GRTP1: variants seen among roughly 807,000 people sequenced by gnomAD.
GRTP1 encodes the protein growth hormone regulated TBC protein 1.
In GRTP1, 56 loss-of-function variants were observed where a neutral mutation model predicts 38.1. The observed-to-expected ratio is 1.47, with a 90% CI of 1.19 to 1.84. The LOEUF is 1.84. GRTP1 is among the 40% of genes most tolerant of loss of function. GRTP1 has a pLI of 0.00. For missense variants in GRTP1, 506 were observed against 453.9 expected (o/e 1.11, Z -1.04); for synonymous variants, 217 against 189.5 (o/e 1.14, Z -1.19).
intron 2 of GRTP1, among the ~76,000 whole-genome samples, chr13:113,356,830 T>A (rs1054091764): frequency 6.6e-6 from 1 of 152,210 alleles, no homozygotes; most frequent in Non-Finnish European, 1.5e-5. Flanking sequence ...ATGTGCTATG[T>A]GATTACTGAG....
At chr13:113,352,236 A>ATATATAT (rs1555318912) in intron 3 of GRTP1, among the ~76,000 whole-genome samples, 1 of 95,870 alleles carries the variant, frequency 1.0e-5, no homozygotes, top group Non-Finnish European at 2.0e-5. Context: ...CTATATTTAT[A>ATATATAT]TATATATTTA....
Position 113,325,674 on chromosome 13 carries a change from TGACACTCCATCAC to T in GRTP1, c.895_907del (p.Val299ThrfsTer47). ...AGCCCCACACACCTGCATAAACGTGTGACACTCCATCACGAAACTCCCTTTGGTTATCTGCTTA... is the reference window on the plus strand; with the variant it reads ...AGCCCCACACACCTGCATAAACGTGTGAAACTCCCTTTGGTTATCTGCTTA... On this transcript the variant is annotated frameshift_variant, in exon 7 of 8. Transcript: ENST00000375431. LOFTEE classifies it high-confidence loss of function. The T allele has an allele frequency of 6.2e-7, 1 of 1,614,138 alleles. No homozygotes were observed. The highest frequency in any genetic ancestry group is 8.5e-7 in the Non-Finnish European group (1 of 1,180,012).
intron 5 of GRTP1, among the ~76,000 whole-genome samples, chr13:113,326,957 TAC>T (rs1166424786): frequency 1.3e-5 from 2 of 152,166 alleles, no homozygotes; most frequent in Admixed American, 1.3e-4. Flanking sequence ...CGGCAATGGT[TAC>T]ACAGAGAGGT....
At chr13:113,359,887 C>T (rs777005826) in intron 2 of GRTP1, 1 of 152,224 alleles carries the variant, frequency 6.6e-6, no homozygotes, top group African/African-American at 2.4e-5. Context: ...TCCTCACAGA[C>T]TGACACTTTC....
intron 5 of GRTP1, among the ~76,000 whole-genome samples, chr13:113,335,102 A>T (rs1422605776): frequency 2.9e-4 from 2 of 6,934 alleles, no homozygotes; most frequent in Non-Finnish European, 0.017. Flanking sequence ...GATTACAGGC[A>T]TGAGCACCAT....
intron 5 of GRTP1, among the ~76,000 whole-genome samples, chr13:113,333,248 C>G (rs2042902336): frequency 6.6e-6 from 1 of 152,170 alleles, no homozygotes; most frequent in Non-Finnish European, 1.5e-5. Flanking sequence ...CGAAGGGGCC[C>G]AAGGGTTCCT....
intron 5 of GRTP1, among the ~76,000 whole-genome samples, chr13:113,326,441 G>A (rs1286700461): frequency 2.7e-5 from 4 of 148,786 alleles, no homozygotes; most frequent in Admixed American, 2.0e-4. Context: ...AGGCCGAGGC[G>A]GGTGGATCAC....
At chr13:113,354,510 A>G (rs1438860569) in intron 3 of GRTP1, among the ~76,000 whole-genome samples, 1 of 151,694 alleles carries the variant, frequency 6.6e-6, no homozygotes, top group Non-Finnish European at 1.5e-5. Context: ...CTAAAAATCT[A>G]TTCAATTTAG....
intron 5 of GRTP1, among the ~76,000 whole-genome samples, chr13:113,338,128 G>A (rs1387851938): frequency 1.3e-5 from 2 of 152,180 alleles, no homozygotes; most frequent in Non-Finnish European, 2.9e-5. Flanking sequence ...GGCAGGGCCC[G>A]GTCAACCTCC....
intron 2 of GRTP1, among the ~76,000 whole-genome samples, chr13:113,362,339 TA>T (rs1214308108): frequency 1.3e-5 from 2 of 151,168 alleles, no homozygotes; most frequent in Non-Finnish European, 3.0e-5. Flanking sequence ...CAAAAATAAA[TA>T]AATCAAAAAG....
chr13:113,333,840 T>TTATTTATTTA lies in GRTP1; in HGVS notation c.563-7750_563-7749insTAAATAAATA, dbSNP rs5806977. On this transcript the variant is annotated intron_variant, in intron 5 of 7. Coordinates refer to ENST00000375431, the MANE Select transcript of GRTP1 (RefSeq NM_024719.4). ...TTTATTTATTTATTTATTTATTTAG[T>TTATTTATTTA]GTGTGTGTGTGTGTGTGTGTGTGTG... Among the ~76,000 whole-genome samples the TTATTTATTTA allele has an allele frequency of 1.7e-3, 157 of 94,728 alleles. 1 individual carries two copies. Among genetic ancestry groups the TTATTTATTTA allele is most frequent in the African/African-American group, 5.6e-3 (140 of 25,150 alleles). 62.1% of individuals were successfully genotyped at this position (94,728 alleles called of 152,430 possible). A position where few individuals can be genotyped will look rare whatever the true frequency, so the allele number is the denominator to read the frequency against.
chr13:113,340,605 C>A (rs965919593), intron 5 of GRTP1, among the ~76,000 whole-genome samples: 11 of 152,254 alleles, frequency 7.2e-5, no homozygotes, highest in Admixed American at 3.3e-4. Flanking sequence ...CATGGTGAAA[C>A]CCCGTCCTTA....
At chr13:113,336,715 T>C (rs955782965) in intron 5 of GRTP1, among the ~76,000 whole-genome samples, 179 of 133,230 alleles carry the variant, frequency 1.3e-3, no homozygotes, top group African/African-American at 4.4e-3. Context: ...AGCGGACACA[T>C]GAACTGCCCT....
intron 5 of GRTP1, among the ~76,000 whole-genome samples, chr13:113,333,720 C>G (rs568596775): frequency 2.0e-3 from 296 of 151,412 alleles, no homozygotes; most frequent in African/African-American, 6.8e-3. Context: ...GTCCAGGCTG[C>G]TCTTGAGCAA....
chr13:113,360,007 C>G (rs970331775), intron 2 of GRTP1: 5 of 152,156 alleles, frequency 3.3e-5, no homozygotes, highest in Admixed American at 2.6e-4. Context: ...AGAGAACTGA[C>G]GTCCATCTGT....
chr13:113,330,912 C>CA (rs1436549751), intron 5 of GRTP1, among the ~76,000 whole-genome samples: 2 of 15,156 alleles, frequency 1.3e-4, no homozygotes, highest in Non-Finnish European at 1.4e-4. Context: ...CATGGGAGCC[C>CA]GGGTGTGTGC....
intron 2 of GRTP1, 110 bp from the exon 3 acceptor site, chr13:113,355,591 T>C: frequency 7.8e-7 from 1 of 1,286,986 alleles, no homozygotes; most frequent in Non-Finnish European, 1.0e-6. Flanking sequence ...AATCAAATAT[T>C]AAAGAGACCC....
At chr13:113,350,316 G>T (rs1302545333) in intron 4 of GRTP1, among the ~76,000 whole-genome samples, 1 of 152,100 alleles carries the variant, frequency 6.6e-6, no homozygotes, top group Non-Finnish European at 1.5e-5. Flanking sequence ...TGCAGCTGCT[G>T]GTTCACACCA....
At chr13:113,363,969 CCCGCGCGGGGA>C in intron 1 of GRTP1, 40 bp downstream of exon 1, 1 of 1,557,980 alleles carries the variant, frequency 6.4e-7, no homozygotes, top group East Asian at 2.4e-5. Flanking sequence ...GGGTCGCGGG[CCCGCGCGGGGA>C]CCGCAGCCGC....
Sources: allele counts gnomAD v4.1 joint callset (sites outside exome capture counted in the v4.1 genomes callset), GRCh38; gene constraint gnomAD v4.1.1; transcripts MANE v1.5; gene names NCBI Gene and HGNC (gene_info 2026-07-23, HGNC 2026-07-21).